The following IFT88 variants were observed in gnomAD, a reference collection of about 807,000 sequenced individuals.
IFT88 encodes the protein intraflagellar transport protein 88 homolog.
A neutral mutation model predicts 119.5 loss-of-function variants in IFT88; 74 were observed. That is an observed-to-expected ratio of 0.62 (90% CI 0.51 to 0.75). The LOEUF (loss-of-function observed/expected upper bound fraction) is 0.75, where lower values mean the gene tolerates loss of function less well. Ranked by LOEUF, IFT88 falls within the 30% of genes least tolerant of loss-of-function variation. The probability of loss-of-function intolerance (pLI) is 0.00; values close to 1 mark genes in which losing one functional copy is unlikely to be tolerated. For synonymous variants in IFT88, 279 were observed against 316.7 expected, an observed-to-expected ratio of 0.88 and a Z score of 1.26; for missense variants, 961 against 977.7, an observed-to-expected ratio of 0.98 and a Z score of 0.23.
chr13:20,568,339 G>A (rs2035398843), intron 1 of IFT88, among the ~76,000 whole-genome samples: 2 of 152,170 alleles, frequency 1.3e-5, no homozygotes, highest in South Asian at 4.1e-4. Flanking sequence ...CAGTTGTTCT[G>A]CCACCCATAG....
chr13:20,574,933 C>A (rs951888325), intron 2 of IFT88, among the ~76,000 whole-genome samples: 2 of 152,130 alleles, frequency 1.3e-5, no homozygotes, highest in East Asian at 3.8e-4. Flanking sequence ...GTTTCTGTTA[C>A]ATCAAGCATT....
chr13:20,651,656 C>T (rs773925603), intron 20 of IFT88, among the ~76,000 whole-genome samples: 14 of 151,354 alleles, frequency 9.2e-5, no homozygotes, highest in Non-Finnish European at 1.3e-4. Context: ...AGAGACAGAC[C>T]GCATCTACAT....
chr13:20,649,682 T>C (rs1451670053), intron 20 of IFT88, among the ~76,000 whole-genome samples: 4 of 151,744 alleles, frequency 2.6e-5, no homozygotes, highest in African/African-American at 7.3e-5. Flanking sequence ...ATAGAAAAGC[T>C]GTAGAGAAAA....
intron 20 of IFT88, 137 bp from the exon 21 acceptor site, chr13:20,653,739 A>G: frequency 2.2e-6 from 1 of 464,618 alleles, no homozygotes. Flanking sequence ...GAAATTATAT[A>G]TCTGCTGTTC....
chr13:20,569,712 A>G (rs558254562), intron 1 of IFT88, among the ~76,000 whole-genome samples: 1 of 151,424 alleles, frequency 6.6e-6, no homozygotes, highest in East Asian at 2.0e-4. Flanking sequence ...GGATCCTTAT[A>G]ATTCATGTGA....
chr13:20,620,966 C>T (rs2046383076), intron 14 of IFT88, among the ~76,000 whole-genome samples: 1 of 152,216 alleles, frequency 6.6e-6, no homozygotes, highest in African/African-American at 2.4e-5. Context: ...ACCAGACAGC[C>T]AGCCTGCTGG....
At position 20,691,327 on chromosome 13, in the gene IFT88, G is replaced by A. The variant is rs2058444726; in HGVS notation, c.*152G>A. ...TATTCTGTATGTATGCATTTAAGTT[G>A]TTTTTTTCTTTTAAGGAATAAAAAC... On this transcript the variant is annotated 3_prime_UTR_variant, in exon 26 of 26. Coordinates refer to ENST00000351808, the MANE Select transcript of IFT88 (RefSeq NM_006531.5). 1.5e-6 allele frequency: 1 copy of A among 649,660 alleles called. No homozygotes were observed. Among genetic ancestry groups the A allele is most frequent in the African/African-American group, 1.9e-5 (1 of 53,370 alleles). The allele number at this position is 649,660 out of a possible 1,614,324, so 40.2% of individuals were successfully genotyped here.
At chr13:20,607,520 C>T (rs2987986) in intron 13 of IFT88, 22 of 689,802 alleles carry the variant, frequency 3.2e-5, no homozygotes, top group Non-Finnish European at 3.8e-5. Context: ...GTGGGGAGGC[C>T]GCCACGCTGT....
rs560717761 is a variant in IFT88 at position 20,682,197 on chromosome 13, T to TA, written c.2243-8507dup. Among the ~76,000 whole-genome samples the TA allele has an allele frequency of 6.6e-4, 101 of 152,334 alleles. 2 individuals are homozygous for TA. In the South Asian group the frequency reaches 0.02, roughly 31 times the overall value. On this transcript the variant is annotated intron_variant, in intron 24 of 25. Coordinates refer to ENST00000351808, the MANE Select transcript of IFT88 (RefSeq NM_006531.5). ...TAGCAATTTGATCCAAATAAGGAAT[T>TA]AGAGTCTGTGAATTAGCATGTGGAA...
intron 16 of IFT88, 83 bp from the exon 17 acceptor site, chr13:20,638,249 C>A (rs528739933): frequency 1.0e-4 from 73 of 716,530 alleles, no homozygotes; most frequent in Non-Finnish European, 1.3e-4. Context: ...CTCAGAAAGT[C>A]TATTTATTAT....
chr13:20,648,401 G>A (rs1007195585), intron 20 of IFT88, among the ~76,000 whole-genome samples: 8 of 151,956 alleles, frequency 5.3e-5, no homozygotes, highest in African/African-American at 9.7e-5. Flanking sequence ...ATCTCAATAA[G>A]TAAATAAATA....
At chr13:20,644,806 T>G in intron 19 of IFT88, 37 bp from the exon 20 acceptor site, 1 of 856,436 alleles carries the variant, frequency 1.2e-6, no homozygotes, top group Non-Finnish European at 1.9e-6. Context: ...ATGTTGCCAT[T>G]GAAGTTGTAT....
intron 13 of IFT88, among the ~76,000 whole-genome samples, chr13:20,610,620 T>A (rs2139458468): frequency 6.6e-6 from 1 of 151,820 alleles, no homozygotes; most frequent in Admixed American, 6.6e-5. Context: ...TACATTTCTT[T>A]CAGAACCTAC....
At chr13:20,666,530 G>A (rs924925666) in intron 23 of IFT88, among the ~76,000 whole-genome samples, 6 of 152,196 alleles carry the variant, frequency 3.9e-5, no homozygotes, top group Non-Finnish European at 7.3e-5. Flanking sequence ...AGTAGCATGC[G>A]AGTTTATGGT....
At chr13:20,652,719 A>G (rs550986696) in intron 20 of IFT88, among the ~76,000 whole-genome samples, 2 of 152,354 alleles carry the variant, frequency 1.3e-5, no homozygotes, top group African/African-American at 4.8e-5. Flanking sequence ...TTATAGAGGA[A>G]GGAAGGTAAT....
At chr13:20,614,164 G>A (rs971926405) in intron 13 of IFT88, among the ~76,000 whole-genome samples, 4 of 152,088 alleles carry the variant, frequency 2.6e-5, no homozygotes, top group South Asian at 2.1e-4. Context: ...AAAATTACAC[G>A]CCATGACCAA....
chr13:20,630,976 A>G (rs766845670), intron 15 of IFT88, 40 bp from the exon 16 acceptor site: 3 of 1,188,084 alleles, frequency 2.5e-6, no homozygotes, highest in East Asian at 2.6e-5. Flanking sequence ...GAGTACTGTC[A>G]TATTACAGTG....
At chr13:20,670,308 C>T (rs2055574042) in intron 23 of IFT88, among the ~76,000 whole-genome samples, 2 of 152,056 alleles carry the variant, frequency 1.3e-5, no homozygotes, top group African/African-American at 2.4e-5. Context: ...TGACTTGAGG[C>T]AGATTCAATG....
chr13:20,575,208 C>T (rs1002006950), intron 2 of IFT88, among the ~76,000 whole-genome samples: 6 of 151,978 alleles, frequency 3.9e-5, no homozygotes, highest in East Asian at 3.9e-4. Flanking sequence ...TGAAAACATG[C>T]GATGTTTGTC....
Sources: allele counts gnomAD v4.1 joint callset (sites outside exome capture counted in the v4.1 genomes callset), GRCh38; gene constraint gnomAD v4.1.1; transcripts MANE v1.5; gene names NCBI Gene and HGNC (gene_info 2026-07-23, HGNC 2026-07-21).